Variants in SULT4A1 observed in about 807,000 individuals in gnomAD.
SULT4A1 encodes the protein sulfotransferase 4A1.
A neutral mutation model predicts 35.2 loss-of-function variants in SULT4A1; 11 were observed. That is an observed-to-expected ratio of 0.31 (90% CI 0.20 to 0.52). The LOEUF is 0.52. SULT4A1 is among the 20% of genes least tolerant of loss of function. The probability of loss-of-function intolerance (pLI) is 0.97; values close to 1 mark genes in which losing one functional copy is unlikely to be tolerated. For synonymous variants in SULT4A1, 152 were observed against 151.8 expected (o/e 1.00, Z -0.01); for missense variants, 271 against 383.7 (o/e 0.71, Z 2.45).
intron 4 of SULT4A1, 39 bp from the exon 5 acceptor site, chr22:43,833,773 C>A (rs1220696520): frequency 6.5e-7 from 1 of 1,532,384 alleles, no homozygotes; most frequent in Admixed American, 2.0e-5. Flanking sequence ...CACGGCTGGG[C>A]AGGAGAAGCG....
intron 1 of SULT4A1, among the ~76,000 whole-genome samples, chr22:43,846,524 G>A (rs953580155): frequency 6.6e-6 from 1 of 152,240 alleles, no homozygotes; most frequent in Non-Finnish European, 1.5e-5. Flanking sequence ...GGGATGTGTT[G>A]ATCAAGGAAG....
At position 43,841,952 on chromosome 22, in the gene SULT4A1, G is replaced by T. The variant is rs771062159; in HGVS notation, c.170-20C>A. On this transcript the variant is annotated intron_variant, in intron 1 of 6. Transcript: ENST00000330884. ...TGGTGCCTGGAGGGGAGAAGCCCCAGCGCGGGGTGCTCAGAGGAGGCCCAC... is the reference window on the plus strand; with the variant it reads ...TGGTGCCTGGAGGGGAGAAGCCCCATCGCGGGGTGCTCAGAGGAGGCCCAC... 5.6e-6 allele frequency: 9 copies of T among 1,609,952 alleles called. No homozygotes were observed. The highest frequency in any genetic ancestry group is 1.7e-5 in the Admixed American group (1 of 59,922).
At chr22:43,849,793 T>G (rs1271483905) in intron 1 of SULT4A1, among the ~76,000 whole-genome samples, 2 of 152,120 alleles carry the variant, frequency 1.3e-5, no homozygotes, top group African/African-American at 4.8e-5. Context: ...CCCTTAACCC[T>G]CGCTGGCAGA....
rs1360666849 is a variant in SULT4A1, at chr22:43,829,140, G to T, written c.662C>A (p.Ala221Asp). The change falls in exon 6 of 7, where the codon GCC becomes GAC. Residue 221 changes from alanine to aspartate, a missense_variant. By Grantham distance (126) the Ala-to-Asp change is moderately radical. Around this residue, in one of 3 missense-constraint regions of SULT4A1, gnomAD observed 75 missense variants for 67.7 expected, o/e 1.11. Coordinates refer to ENST00000330884, the MANE Select transcript of SULT4A1 (RefSeq NM_014351.4). ...ARFLGVSCDK[A>D]QLEALTEHCH... is the part of the protein sequence containing the mutation. Reference sequence around the variant, plus strand: ...GTGCTCCGTCAGGGCTTCCAGCTGGGCCTTGTCACAGGACACCCCCAGGAA... The same window carrying T: ...GTGCTCCGTCAGGGCTTCCAGCTGGTCCTTGTCACAGGACACCCCCAGGAA... 1 of 1,562,100 alleles carries T rather than the reference G, an allele frequency of 6.4e-7. No homozygotes were observed. The highest frequency in any genetic ancestry group is 2.4e-5 in the East Asian group (1 of 41,332).
chr22:43,829,188 G>C lies in SULT4A1; in HGVS notation c.614C>G (p.Thr205Arg), dbSNP rs572334857. The C allele has an allele frequency of 6.4e-7, 1 of 1,562,736 alleles. No homozygotes were observed. ...GAATCTGGCCAGCTGCTCCACCATCGTCACCAGGTCCTGGAAGACAAGTGC... is the reference window on the plus strand; with the variant it reads ...GAATCTGGCCAGCTGCTCCACCATCCTCACCAGGTCCTGGAAGACAAGTGC... ...KYEDMHRDLV[T>R]MVEQLARFLG... The change falls in exon 6 of 7, where the codon ACG becomes AGG. Residue 205 changes from threonine to arginine, a missense_variant. Coordinates refer to ENST00000330884, the MANE Select transcript of SULT4A1 (RefSeq NM_014351.4).
intron 1 of SULT4A1, among the ~76,000 whole-genome samples, chr22:43,855,150 C>T (rs1039944037): frequency 1.3e-5 from 2 of 152,212 alleles, no homozygotes; most frequent in Non-Finnish European, 2.9e-5. Flanking sequence ...CCACTCATGA[C>T]CCCGGGGCTG....
intron 4 of SULT4A1, 104 bp from the exon 5 acceptor site, chr22:43,833,838 G>T: frequency 1.1e-6 from 1 of 929,260 alleles, no homozygotes; most frequent in Non-Finnish European, 1.7e-6. Flanking sequence ...CCCAGCAGCC[G>T]TGATGAGGAC....
intron 4 of SULT4A1, 103 bp from the exon 5 acceptor site, chr22:43,833,837 C>T (rs1360675916): frequency 1.3e-5 from 12 of 940,264 alleles, no homozygotes; most frequent in Non-Finnish European, 2.0e-5. Context: ...ACCCAGCAGC[C>T]GTGATGAGGA....
chr22:43,860,402 C>T lies in SULT4A1; in HGVS notation c.169+1812G>A, dbSNP rs192214349. Among the ~76,000 whole-genome samples the T allele has an allele frequency of 8.5e-4, 129 of 152,326 alleles. 1 individual carries two copies. The highest frequency in any genetic ancestry group is 1.7e-3 in the Non-Finnish European group (113 of 68,020). On this transcript the variant is annotated intron_variant, in intron 1 of 6. Transcript: ENST00000330884. Reference sequence around the variant, plus strand: ...AGGGCTTAAAAGTCAGCATTAACCACGAGCCTTTCCAGCGTGTGTCTGGAC... The same window carrying T: ...AGGGCTTAAAAGTCAGCATTAACCATGAGCCTTTCCAGCGTGTGTCTGGAC...
intron 6 of SULT4A1, chr22:43,827,661 G>A (rs772176028): frequency 1.5e-5 from 21 of 1,365,358 alleles, no homozygotes; most frequent in Middle Eastern, 4.2e-4. Context: ...ACAAATCAAA[G>A]AACTGAAATA....
At chr22:43,846,261 A>G (rs1181753584) in intron 1 of SULT4A1, among the ~76,000 whole-genome samples, 1 of 152,204 alleles carries the variant, frequency 6.6e-6, no homozygotes, top group Non-Finnish European at 1.5e-5. Flanking sequence ...CAGTCAGCAC[A>G]GTCTCCTTCA....
intron 6 of SULT4A1, chr22:43,827,419 G>A: frequency 8.4e-7 from 1 of 1,187,958 alleles, no homozygotes. Flanking sequence ...ATACCTAAGG[G>A]GCAAAATTAG....
chr22:43,834,002 G>A (rs527720842), intron 4 of SULT4A1, among the ~76,000 whole-genome samples: 289 of 152,296 alleles, frequency 1.9e-3, no homozygotes, highest in Middle Eastern at 6.8e-3. Flanking sequence ...GCAGTGGACC[G>A]CAACAGTGCC....
intron 1 of SULT4A1, among the ~76,000 whole-genome samples, chr22:43,852,661 C>G (rs2049355220): frequency 6.6e-6 from 1 of 151,994 alleles, no homozygotes; most frequent in African/African-American, 2.4e-5. Flanking sequence ...AGTCCTTGTC[C>G]CTGTGCTTCC....
intron 6 of SULT4A1, among the ~76,000 whole-genome samples, chr22:43,828,114 G>A (rs190170591): frequency 2.0e-5 from 3 of 152,346 alleles, no homozygotes; most frequent in East Asian, 3.9e-4. Flanking sequence ...GGAGCCCAGC[G>A]CGTCTCTCAT....
rs2049406168 is a variant in SULT4A1, at chr22:43,856,818, A to G, written c.169+5396T>C. Among the ~76,000 whole-genome samples the G allele has an allele frequency of 3.3e-5, 5 of 152,156 alleles. No homozygotes were observed. In the South Asian group the frequency reaches 1.0e-3, roughly 32 times the overall value. ...AGGCGGGGTTAACTCAATTCCTTAT[A>G]CTAATGGCCTAGCAGTTGAAAAGCC... On this transcript the variant is annotated intron_variant, in intron 1 of 6. Transcript: ENST00000330884.
At chr22:43,846,719 A>C (rs947955854) in intron 1 of SULT4A1, among the ~76,000 whole-genome samples, 1 of 152,284 alleles carries the variant, frequency 6.6e-6, no homozygotes, top group African/African-American at 2.4e-5. Context: ...AAATGTGCCA[A>C]GGGTTATAGA....
intron 5 of SULT4A1, among the ~76,000 whole-genome samples, chr22:43,830,945 T>C (rs2063320739): frequency 6.6e-6 from 1 of 152,148 alleles, no homozygotes; most frequent in African/African-American, 2.4e-5. Flanking sequence ...TGACCTCCAT[T>C]AAAACAAGCC....
At chr22:43,837,404 C>A (rs928623157) in intron 4 of SULT4A1, among the ~76,000 whole-genome samples, 4 of 152,212 alleles carry the variant, frequency 2.6e-5, no homozygotes, top group African/African-American at 4.8e-5. Context: ...TGTCCCCATG[C>A]TCTGCAGAGA....
Sources: gnomAD v4.1 joint callset for allele counts (sites outside exome capture counted in the v4.1 genomes callset) on GRCh38, gnomAD v4.1.1 for gene constraint, gnomAD v4.1.1 regional missense constraint, MANE v1.5 for transcripts, NCBI Gene and HGNC (gene_info 2026-07-23, HGNC 2026-07-21) for gene names.